The following FRRS1L variants were observed in gnomAD, a reference collection of about 807,000 sequenced individuals.
FRRS1L encodes the protein ferric chelate reductase 1 like, also known as DOMON domain-containing protein FRRS1L.
A neutral mutation model predicts 28.6 loss-of-function variants in FRRS1L; 22 were observed. That is an observed-to-expected ratio of 0.77 (90% CI 0.55 to 1.10). The LOEUF is 1.10. Ranked by LOEUF, FRRS1L falls within the 50% of genes least tolerant of loss-of-function variation. The pLI is 0.00. For missense variants in FRRS1L, 380 were observed against 386.9 expected (o/e 0.98, Z 0.15); for synonymous variants, 158 against 151.4 (o/e 1.04, Z -0.32).
intron 1 of FRRS1L, among the ~76,000 whole-genome samples, chr9:109,161,468 C>G (rs186584659): frequency 6.6e-6 from 1 of 152,028 alleles, no homozygotes; most frequent in Non-Finnish European, 1.5e-5. Flanking sequence ...GAGAACAATT[C>G]GAGCCATTTT....
chr9:109,146,930 T>TC, intron 3 of FRRS1L, 121 bp downstream of exon 3: 1 of 911,352 alleles, frequency 1.1e-6, no homozygotes, highest in Non-Finnish European at 1.7e-6. Flanking sequence ...TAACTTGCAA[T>TC]CAGAGAGCCA....
rs1260598130 is a variant in FRRS1L, at chr9:109,134,769, T to C, written c.*2686A>G. On this transcript the variant is annotated 3_prime_UTR_variant, in exon 5 of 5. Transcript: ENST00000561981. ...GCCTGCTACTAAGCTGAAGTCTCTC[T>C]TTTGTTTTAACCTGTTTGTAGCTCA... 6.6e-6 allele frequency: 1 copy of C among 152,264 alleles called. No individual in the cohort carries two copies. Among genetic ancestry groups the C allele is most frequent in the Non-Finnish European group, 1.5e-5 (1 of 68,050 alleles). The allele number at this position is 152,264 out of a possible 1,614,324, so 9.4% of individuals were successfully genotyped here.
intron 3 of FRRS1L, among the ~76,000 whole-genome samples, chr9:109,143,638 C>T (rs1831217628): frequency 6.6e-6 from 1 of 151,812 alleles, no homozygotes; most frequent in Admixed American, 6.6e-5. Flanking sequence ...CCTCAGCCTC[C>T]CGAGTGGCTG....
chr9:109,159,157 T>C (rs1831448761), intron 1 of FRRS1L, among the ~76,000 whole-genome samples: 1 of 152,248 alleles, frequency 6.6e-6, no homozygotes, highest in South Asian at 2.1e-4. Flanking sequence ...GTTTTTAAAT[T>C]GGATTATCTT....
intron 1 of FRRS1L, among the ~76,000 whole-genome samples, chr9:109,156,804 G>A (rs992638270): frequency 4.0e-5 from 6 of 149,846 alleles, no homozygotes; most frequent in Admixed American, 6.7e-5. Flanking sequence ...ACCTCACCCC[G>A]GGACTACAGG....
chr9:109,167,024 C>T lies in FRRS1L; in HGVS notation c.115G>A (p.Gly39Ser), dbSNP rs1379709044. 1 of 1,212,770 alleles carries T rather than the reference C, an allele frequency of 8.2e-7. No individual in the cohort carries two copies. Among genetic ancestry groups the T allele is most frequent in the African/African-American group, 1.6e-5 (1 of 62,886 alleles). The allele number at this position is 1,212,770 out of a possible 1,614,324, so 75.1% of individuals were successfully genotyped here. A position where few individuals can be genotyped will look rare whatever the true frequency, so the allele number is the denominator to read the frequency against. The change falls in exon 1 of 5, where the codon GGC (glycine) becomes AGC (serine). Residue 39 changes from glycine to serine, a missense_variant. Gly to Ser is a moderately conservative substitution (Grantham distance 56). Coordinates refer to ENST00000561981, the MANE Select transcript of FRRS1L (RefSeq NM_014334.4). ...CGCGCGCGTCCCCGGGGTCCCCGGC[C>T]CCCCGGGCCCGCACCGTCGTCCGCG... is the stretch of plus-strand genomic sequence containing the variant. The part of the protein sequence containing the change: ...SPADDGAGPG[G>S]RGPRGRARGD...
chr9:109,149,180 C>G (rs1588100076), intron 2 of FRRS1L, among the ~76,000 whole-genome samples: 2 of 152,166 alleles, frequency 1.3e-5, no homozygotes, highest in Admixed American at 1.3e-4. Context: ...ACTCACCATG[C>G]CTGAGATAAC....
chr9:109,162,914 G>A (rs1444674926), intron 1 of FRRS1L, among the ~76,000 whole-genome samples: 5 of 152,188 alleles, frequency 3.3e-5, no homozygotes, highest in Admixed American at 2.0e-4. Flanking sequence ...CACATTTTAC[G>A]AGTAGTCAGA....
rs185024098 is a variant in FRRS1L at position 109,147,336 on chromosome 9, A to G, written c.324-147T>C. 1.9e-4 allele frequency: 132 copies of G among 677,178 alleles called. No individual in the cohort carries two copies. The East Asian group carries it at 3.1e-3, about 16-fold the overall frequency. The allele number at this position is 677,178 out of a possible 1,614,324, so 41.9% of individuals were successfully genotyped here. Reference sequence around the variant, plus strand: ...CCTGGAATCTTAAAAACACAGTTTCACTCTCTTAGGAGGAACCTTAGAGAT... The same window carrying G: ...CCTGGAATCTTAAAAACACAGTTTCGCTCTCTTAGGAGGAACCTTAGAGAT... On this transcript the variant is annotated intron_variant, in intron 2 of 4. Transcript: ENST00000561981.
intron 1 of FRRS1L, among the ~76,000 whole-genome samples, chr9:109,160,263 C>T (rs376411696): frequency 9.2e-5 from 14 of 152,120 alleles, no homozygotes; most frequent in East Asian, 1.9e-4. Context: ...TGAGTTCCTC[C>T]GCCTCCCAAA....
rs1831120098 is a variant in FRRS1L, at chr9:109,136,965, G to C, written c.*490C>G. On this transcript the variant is annotated 3_prime_UTR_variant, in exon 5 of 5. Coordinates refer to ENST00000561981, the MANE Select transcript of FRRS1L (RefSeq NM_014334.4). Reference sequence around the variant, plus strand: ...CCCAAAAGGCTGACTGTGAACTTATGACATTCAGTAAAGTTCTCCCTAGTA... The same window carrying C: ...CCCAAAAGGCTGACTGTGAACTTATCACATTCAGTAAAGTTCTCCCTAGTA... The C allele has an allele frequency of 6.6e-6, 1 of 152,192 alleles. No homozygotes were observed. The highest frequency in any genetic ancestry group is 2.1e-4 in the South Asian group (1 of 4,828). 9.4% of individuals were successfully genotyped at this position (152,192 alleles called of 1,614,324 possible).
rs143106670 is a variant in FRRS1L, at chr9:109,159,910, C to A, written c.238+6991G>T. Among the ~76,000 whole-genome samples, 160 of 152,292 alleles carry A rather than the reference C, an allele frequency of 1.1e-3. 3 individuals carry two copies. Among genetic ancestry groups the A allele is most frequent in the African/African-American group, 3.5e-3 (147 of 41,546 alleles). On this transcript the variant is annotated intron_variant, in intron 1 of 4. Transcript: ENST00000561981. The stretch of plus-strand genomic sequence containing the variant: ...CTGCCAGCCTGCATAATCATGTGAA[C>A]CAGTTCCTTAAAATAAATCTGTCTA...
At chr9:109,156,730 C>G (rs542223921) in intron 1 of FRRS1L, among the ~76,000 whole-genome samples, 1 of 150,948 alleles carries the variant, frequency 6.6e-6, no homozygotes, top group East Asian at 1.9e-4. Flanking sequence ...GCTGTCTCAC[C>G]CAGGCTGGAG....
At chr9:109,162,157 A>T (rs576770463) in intron 1 of FRRS1L, among the ~76,000 whole-genome samples, 1 of 152,288 alleles carries the variant, frequency 6.6e-6, no homozygotes, top group Admixed American at 6.5e-5. Flanking sequence ...CTCTACTAAA[A>T]ATACAAAAAT....
intron 1 of FRRS1L, among the ~76,000 whole-genome samples, chr9:109,161,180 CAT>C (rs35558648): frequency 0.097 from 14,697 of 152,174 alleles, 959 homozygotes; most frequent in Middle Eastern, 0.16. Context: ...AGTCTTGAGA[CAT>C]ATGTGTTGAA....
At chr9:109,152,583 T>C (rs961595010) in intron 1 of FRRS1L, among the ~76,000 whole-genome samples, 3 of 151,248 alleles carry the variant, frequency 2.0e-5, no homozygotes, top group African/African-American at 2.4e-5. Context: ...GGTGGGCAGA[T>C]CATGAGGTCA....
At chr9:109,151,424 T>C (rs1831328627) in intron 1 of FRRS1L, 1 of 153,324 alleles carries the variant, frequency 6.5e-6, no homozygotes, top group Non-Finnish European at 1.5e-5. Flanking sequence ...TCCTCTTAGA[T>C]CAGCAGTGGC....
At chr9:109,141,937 G>A (rs1831193620) in intron 3 of FRRS1L, among the ~76,000 whole-genome samples, 1 of 148,200 alleles carries the variant, frequency 6.7e-6, no homozygotes, top group South Asian at 2.1e-4. Context: ...AGGAGTCAGT[G>A]TCATAAAAGA....
chr9:109,133,901 A>C lies in FRRS1L; in HGVS notation c.*3554T>G, dbSNP rs1232853554. 2.0e-5 allele frequency: 3 copies of C among 152,210 alleles called. No homozygotes were observed. Among genetic ancestry groups the C allele is most frequent in the Non-Finnish European group, 4.4e-5 (3 of 68,036 alleles). The allele number at this position is 152,210 out of a possible 1,614,324, so 9.4% of individuals were successfully genotyped here. ...TTTAAGTAGGGATGAATGAAACTGA[A>C]GTTTTTGGAATTATCACTTCAGCAT... On this transcript the variant is annotated 3_prime_UTR_variant, in exon 5 of 5. Transcript: ENST00000561981.
Sources: allele counts gnomAD v4.1 joint callset (sites outside exome capture counted in the v4.1 genomes callset), GRCh38; gene constraint gnomAD v4.1.1; transcripts MANE v1.5; gene names NCBI Gene and HGNC (gene_info 2026-07-23, HGNC 2026-07-21).